The following RICTOR variants were observed in gnomAD, a reference collection of about 807,000 sequenced individuals.
The protein encoded by RICTOR is rapamycin-insensitive companion of mTOR.
RICTOR carries 49 observed loss-of-function variants against 214.9 expected under a neutral mutation model. The ratio of observed to expected loss-of-function variants is 0.23; its 90% CI spans 0.18 to 0.29. The LOEUF is 0.29. Among genes scored for constraint, RICTOR ranks in the 10% least tolerant of loss-of-function variants. RICTOR has a pLI of 1.00. For synonymous variants in RICTOR, 717 were observed against 711.3 expected (o/e 1.01, Z -0.13); for missense variants, 1,625 against 2,047.0 (o/e 0.79, Z 3.98).
chr5:39,006,784 A>AGAGGAGGGGAGAGGAGAGGAGGGGG (rs1463448203), intron 3 of RICTOR, among the ~76,000 whole-genome samples: 8 of 35,034 alleles, frequency 2.3e-4, no homozygotes, highest in South Asian at 1.2e-3. Context: ...AGAGGAGGGG[A>AGAGGAGGGGAGAGGAGAGGAGGGGG]GGGGAGGGGG....
In RICTOR at chr5:38,955,986, C is replaced by T. The variant is rs183222906; in HGVS notation, c.2500-282G>A. 8.6e-4 allele frequency among the ~76,000 whole-genome samples: 131 copies of T among 152,030 alleles called. 1 individual carries two copies. The highest frequency in any genetic ancestry group is 8.6e-3 in the Admixed American group (131 of 15,244). On this transcript the variant is annotated intron_variant, in intron 25 of 37. Transcript: ENST00000357387. ...GTTCAACATATTGAAAATTCATTAGCCTAATCTTGAATCACTTTTTATAAA... is the reference window on the plus strand; with the variant it reads ...GTTCAACATATTGAAAATTCATTAGTCTAATCTTGAATCACTTTTTATAAA...
At chr5:39,028,414 C>T (rs1196227037) in intron 2 of RICTOR, among the ~76,000 whole-genome samples, 3 of 151,920 alleles carry the variant, frequency 2.0e-5, no homozygotes, top group African/African-American at 7.2e-5. Context: ...GATCTCCTGA[C>T]CTCGTGATCC....
intron 16 of RICTOR, among the ~76,000 whole-genome samples, chr5:38,963,350 C>T (rs946829081): frequency 2.4e-4 from 37 of 151,846 alleles, no homozygotes; most frequent in Admixed American, 2.2e-3. Flanking sequence ...ATTTTCTTAT[C>T]GAAATTTTAA....
At chr5:38,980,225 G>A (rs1002225220) in intron 8 of RICTOR, among the ~76,000 whole-genome samples, 1 of 151,924 alleles carries the variant, frequency 6.6e-6, no homozygotes, top group Non-Finnish European at 1.5e-5. Context: ...CTGCAAGCAT[G>A]TTTCTATGGA....
At chr5:38,958,969 C>T (rs1749554490) in intron 22 of RICTOR, 138 bp from the exon 23 acceptor site, 1 of 701,956 alleles carries the variant, frequency 1.4e-6, no homozygotes, top group Non-Finnish European at 2.2e-6. Context: ...GATATGAATA[C>T]TTTTTTGGTT....
intron 8 of RICTOR, among the ~76,000 whole-genome samples, chr5:38,979,965 G>A (rs780063429): frequency 3.3e-5 from 5 of 151,740 alleles, no homozygotes; most frequent in African/African-American, 4.8e-5. Flanking sequence ...CATTATTTTT[G>A]TTTTACCCTT....
chr5:38,947,514 A>G (rs1748342026), intron 31 of RICTOR, 73 bp from the exon 32 acceptor site: 1 of 1,093,390 alleles, frequency 9.1e-7, no homozygotes, highest in South Asian at 1.4e-5. Flanking sequence ...GAAATAACAT[A>G]TATTCCTACC....
chr5:39,053,499 T>G (rs1216347779), intron 2 of RICTOR, among the ~76,000 whole-genome samples: 1 of 152,192 alleles, frequency 6.6e-6, no homozygotes, highest in Non-Finnish European at 1.5e-5. Context: ...CACGTGCTCA[T>G]GCTATAGCCT....
intron 2 of RICTOR, among the ~76,000 whole-genome samples, chr5:39,027,249 A>G (rs1755898697): frequency 6.6e-6 from 1 of 152,180 alleles, no homozygotes; most frequent in African/African-American, 2.4e-5. Context: ...GGATTCTTGC[A>G]ATTAGGAAAG....
At chr5:39,012,931 C>T (rs1754654148) in intron 3 of RICTOR, among the ~76,000 whole-genome samples, 1 of 152,058 alleles carries the variant, frequency 6.6e-6, no homozygotes, top group African/African-American at 2.4e-5. Context: ...TTACTCTCTG[C>T]TTTTCAAGAC....
chr5:39,033,628 C>CA (rs1756430460), intron 2 of RICTOR, among the ~76,000 whole-genome samples: 5 of 151,974 alleles, frequency 3.3e-5, no homozygotes, highest in Admixed American at 2.0e-4. Flanking sequence ...TGATTTGTAA[C>CA]ATATTAAAAT....
intron 31 of RICTOR, 57 bp downstream of exon 31, chr5:38,949,655 T>A: frequency 1.4e-6 from 2 of 1,458,032 alleles, no homozygotes; most frequent in Non-Finnish European, 1.9e-6. Context: ...ACATTTTGTA[T>A]TTAAATTTGT....
At chr5:38,975,650 G>A in intron 9 of RICTOR, 46 bp from the exon 10 acceptor site, 1 of 1,432,130 alleles carries the variant, frequency 7.0e-7, no homozygotes, top group Non-Finnish European at 9.8e-7. Context: ...GAAATAAAAT[G>A]TTAAAATGAG....
chr5:38,988,972 C>G (rs191762559), intron 7 of RICTOR, among the ~76,000 whole-genome samples: 9 of 152,284 alleles, frequency 5.9e-5, no homozygotes, highest in Admixed American at 5.9e-4. Flanking sequence ...CTATCCCCGT[C>G]AAGCTACCAC....
In RICTOR at chr5:39,074,352, G is replaced by A; in HGVS notation, c.26C>T (p.Ser9Phe). 4 of 1,539,342 alleles carry A rather than the reference G, an allele frequency of 2.6e-6. No homozygotes were observed. Among genetic ancestry groups the A allele is most frequent in the African/African-American group, 1.4e-5 (1 of 71,804 alleles). MAAIGRGR[S>F]LKNLRVRGRN... ...ACCTCGTACTCGGAGGTTCTTCAGA[G>A]AGCGGCCGCGGCCGATCGCCGCCAT... Residue 9 changes from serine to phenylalanine, a missense_variant, in exon 1 of 38, where the codon TCT (serine) becomes TTT (phenylalanine). Around this residue, in one of 5 missense-constraint regions of RICTOR, gnomAD observed 71 missense variants for 57.9 expected, o/e 1.23. Coordinates refer to ENST00000357387, the MANE Select transcript of RICTOR (RefSeq NM_152756.5).
intron 8 of RICTOR, among the ~76,000 whole-genome samples, chr5:38,980,009 A>G (rs1239494518): frequency 6.6e-6 from 1 of 152,198 alleles, no homozygotes; most frequent in Admixed American, 6.5e-5. Context: ...TCAGTTTACT[A>G]ATAACATCTT....
At chr5:38,988,585 CTT>C (rs1752347847) in intron 7 of RICTOR, among the ~76,000 whole-genome samples, 3 of 152,030 alleles carry the variant, frequency 2.0e-5, no homozygotes, top group African/African-American at 7.2e-5. Flanking sequence ...TTATGTGTGT[CTT>C]TGCACGTAAG....
intron 5 of RICTOR, among the ~76,000 whole-genome samples, chr5:39,000,676 A>T (rs968929204): frequency 6.6e-6 from 1 of 152,050 alleles, no homozygotes; most frequent in African/African-American, 2.4e-5. Context: ...GGAAAGGAAG[A>T]TATAAAATGG....
chr5:39,040,109 C>T (rs1347575356), intron 2 of RICTOR, among the ~76,000 whole-genome samples: 2 of 151,924 alleles, frequency 1.3e-5, no homozygotes, highest in South Asian at 2.1e-4. Flanking sequence ...AAATGTGGCA[C>T]ATATATACCA....
Sources: allele counts gnomAD v4.1 joint callset (sites outside exome capture counted in the v4.1 genomes callset), GRCh38; gene constraint gnomAD v4.1.1; regional missense constraint gnomAD v4.1.1; transcripts MANE v1.5; gene names NCBI Gene and HGNC (gene_info 2026-07-23, HGNC 2026-07-21).